The following HDAC9 variants were observed in gnomAD, a reference collection of about 807,000 sequenced individuals.
HDAC9 encodes MEF-2 interacting transcription repressor (MITR) protein.
Under a neutral mutation model 139.4 loss-of-function variants are expected in HDAC9, and 41 were observed. The observed-to-expected ratio is 0.29, with a 90% CI of 0.23 to 0.38. The LOEUF is 0.38. Among genes scored for constraint, HDAC9 ranks in the 10% least tolerant of loss-of-function variants. The pLI, the probability that HDAC9 is intolerant of heterozygous loss-of-function variation, is 1.00. For synonymous variants in HDAC9, 517 were observed against 476.2 expected (o/e 1.09, Z -1.12); for missense variants, 1,147 against 1,297.0 (o/e 0.88, Z 1.78).
At chr7:18,791,304 A>AT (rs964743381) in intron 16 of HDAC9, among the ~76,000 whole-genome samples, 2 of 152,074 alleles carry the variant, frequency 1.3e-5, no homozygotes, top group African/African-American at 2.4e-5. Context: ...TATTTATTTT[A>AT]TTTTTTTGCT....
chr7:18,655,673 G>A lies in HDAC9; in HGVS notation c.1467+6990G>A, dbSNP rs566613040. On this transcript the variant is annotated intron_variant, in intron 11 of 25. Transcript: ENST00000686413. ...GACCATTTCAGTGGATTAATGTGCA[G>A]CATTCATAAACATTCCCAGTGCTGC... Among the ~76,000 whole-genome samples the A allele has an allele frequency of 1.8e-4, 28 of 152,318 alleles. 1 individual carries two copies. The South Asian group carries it at 5.8e-3, about 32-fold the overall frequency.
chr7:18,455,352 C>T (rs1323989870), intron 1 of HDAC9, among the ~76,000 whole-genome samples: 1 of 151,944 alleles, frequency 6.6e-6, no homozygotes, highest in Non-Finnish European at 1.5e-5. Flanking sequence ...CTATGATATC[C>T]TTGTCCCTTT....
intron 25 of HDAC9, 71 bp downstream of exon 25, chr7:18,976,024 T>C (rs1784527022): frequency 6.7e-7 from 1 of 1,494,450 alleles, no homozygotes; most frequent in African/African-American, 1.4e-5. Context: ...TTGTGAATCT[T>C]CCTCCTGGCT....
chr7:18,890,477 G>T (rs1353994366), intron 22 of HDAC9, among the ~76,000 whole-genome samples: 1 of 152,156 alleles, frequency 6.6e-6, no homozygotes, highest in African/African-American at 2.4e-5. Context: ...TATGTAACAA[G>T]GAGTCAGTTT....
At chr7:18,137,770 T>C (rs1785541434) in intron 1 of HDAC9, among the ~76,000 whole-genome samples, 1 of 152,192 alleles carries the variant, frequency 6.6e-6, no homozygotes, top group Admixed American at 6.5e-5. Context: ...AATTCTCTTT[T>C]TTGGTTGTGT....
chr7:18,932,524 T>C (rs1804834033), intron 22 of HDAC9, among the ~76,000 whole-genome samples: 1 of 152,036 alleles, frequency 6.6e-6, no homozygotes, highest in Non-Finnish European at 1.5e-5. Context: ...TATACCAAAA[T>C]CTCCAATCGG....
rs527320221 is a variant in HDAC9 at position 18,774,648 on chromosome 7, G to T, written c.2214+7493G>T. ...AATCTTTTTGCTGGTGCAGGGTTTT[G>T]CTTCAATATTGAGGGCCTTATTCTG... On this transcript the variant is annotated intron_variant, in intron 16 of 25. Transcript: ENST00000686413. Among the ~76,000 whole-genome samples the T allele has an allele frequency of 1.7e-4, 26 of 152,116 alleles. No individual in the cohort carries two copies. The South Asian group carries it at 5.2e-3, about 30-fold the overall frequency.
intron 1 of HDAC9, among the ~76,000 whole-genome samples, chr7:18,407,958 A>G (rs1372432407): frequency 1.3e-5 from 2 of 152,172 alleles, no homozygotes; most frequent in Non-Finnish European, 2.9e-5. Flanking sequence ...TAATGGAGTG[A>G]GTTTGAGTTC....
chr7:18,535,792 T>C (rs995599503), intron 2 of HDAC9, among the ~76,000 whole-genome samples: 1 of 146,112 alleles, frequency 6.8e-6, no homozygotes, highest in African/African-American at 2.5e-5. Context: ...GCTTTTGAAA[T>C]TTACATTTCA....
At chr7:18,215,085 G>A (rs1056097109) in intron 2 of HDAC9, among the ~76,000 whole-genome samples, 2 of 152,120 alleles carry the variant, frequency 1.3e-5, no homozygotes, top group Non-Finnish European at 2.9e-5. Flanking sequence ...AAATGAAAGG[G>A]AGAAACAGAT....
intron 1 of HDAC9, among the ~76,000 whole-genome samples, chr7:18,309,939 G>A (rs1245016099): frequency 6.6e-6 from 1 of 152,170 alleles, no homozygotes; most frequent in African/African-American, 2.4e-5. Context: ...ATGTGTTGAA[G>A]CAATGTGGTA....
chr7:18,143,593 C>T (rs1357948631), intron 1 of HDAC9, among the ~76,000 whole-genome samples: 1 of 151,990 alleles, frequency 6.6e-6, no homozygotes, highest in Non-Finnish European at 1.5e-5. Context: ...TGAGAACAGC[C>T]TGACTAACAT....
At chr7:18,098,827 A>T (rs1033697004) in intron 1 of HDAC9, among the ~76,000 whole-genome samples, 19 of 152,226 alleles carry the variant, frequency 1.2e-4, no homozygotes, top group African/African-American at 4.6e-4. Flanking sequence ...CAGTAGCAAT[A>T]TATAGAATTT....
At chr7:18,756,101 G>C (rs77651803) in intron 14 of HDAC9, among the ~76,000 whole-genome samples, 16,618 of 151,980 alleles carry the variant, frequency 0.11, 1,499 homozygotes, top group East Asian at 0.24. Flanking sequence ...CCCAGACAAA[G>C]GTAATAAGGT....
intron 6 of HDAC9, among the ~76,000 whole-genome samples, chr7:18,607,951 C>T (rs140614565): frequency 2.6e-5 from 4 of 151,990 alleles, no homozygotes; most frequent in African/African-American, 9.7e-5. Context: ...TCATTTAGAA[C>T]AGGCAGGACA....
chr7:18,655,428 C>G (rs1223407873), intron 11 of HDAC9, among the ~76,000 whole-genome samples: 1 of 152,102 alleles, frequency 6.6e-6, no homozygotes, highest in East Asian at 1.9e-4. Flanking sequence ...CGATGTTATT[C>G]TGAGATAATT....
chr7:18,504,409 A>T (rs887763795), intron 2 of HDAC9, among the ~76,000 whole-genome samples: 9 of 152,138 alleles, frequency 5.9e-5, no homozygotes, highest in African/African-American at 2.2e-4. Flanking sequence ...GGTTCAAGTG[A>T]TTGTCCTGCC....
intron 2 of HDAC9, among the ~76,000 whole-genome samples, chr7:18,268,530 G>A (rs538941679): frequency 6.6e-6 from 1 of 152,028 alleles, no homozygotes; most frequent in African/African-American, 2.4e-5. Flanking sequence ...TTCTCTCTTA[G>A]GCTCAAGAGC....
intron 12 of HDAC9, among the ~76,000 whole-genome samples, chr7:18,689,951 T>G (rs956174930): frequency 1.1e-4 from 16 of 152,062 alleles, no homozygotes; most frequent in Non-Finnish European, 1.5e-4. Context: ...GTAGAAGGTA[T>G]TCTTCCATGG....
Sources: gnomAD v4.1 joint callset for allele counts (sites outside exome capture counted in the v4.1 genomes callset) on GRCh38, gnomAD v4.1.1 for gene constraint, MANE v1.5 for transcripts, NCBI Gene and HGNC (gene_info 2026-07-23, HGNC 2026-07-21) for gene names.